SGCD: variants seen among roughly 807,000 people sequenced by gnomAD.
The protein encoded by SGCD is delta-sarcoglycan.
In SGCD, 18 loss-of-function variants were observed where a neutral mutation model predicts 36.6. That is an observed-to-expected ratio of 0.49 (90% CI 0.34 to 0.73). The LOEUF (loss-of-function observed/expected upper bound fraction) is 0.73. Among genes scored for constraint, SGCD ranks in the 30% least tolerant of loss-of-function variants. The pLI is 0.01. For synonymous variants in SGCD, 133 were observed against 130.6 expected (o/e 1.02, Z -0.12); for missense variants, 387 against 346.7 (o/e 1.12, Z -0.92).
At chr5:156,430,972 G>T (rs535898484) in intron 3 of SGCD, among the ~76,000 whole-genome samples, 1 of 152,236 alleles carries the variant, frequency 6.6e-6, no homozygotes, top group South Asian at 2.1e-4. Context: ...AATGGGAGAG[G>T]TATCCCTGGG....
chr5:155,758,450 G>T, the SGCD span, among the ~76,000 whole-genome samples: 1 of 152,156 alleles, frequency 6.6e-6, no homozygotes, highest in Non-Finnish European at 1.5e-5. Context: ...TTTGCAAAAA[G>T]ATAATTTGCA....
chr5:156,475,180 A>G (rs1755127097), intron 3 of SGCD, among the ~76,000 whole-genome samples: 1 of 152,180 alleles, frequency 6.6e-6, no homozygotes, highest in South Asian at 2.1e-4. Flanking sequence ...TAATAACTGT[A>G]AGTTAGCCAT....
At chr5:155,890,848 T>A (rs999642226) in intron 1 of SGCD, among the ~76,000 whole-genome samples, 1 of 152,048 alleles carries the variant, frequency 6.6e-6, no homozygotes, top group African/African-American at 2.4e-5. Flanking sequence ...TCAAGACTCA[T>A]TGTCTGGGGT....
At chr5:156,625,713 C>T (rs1762415340) in intron 6 of SGCD, among the ~76,000 whole-genome samples, 1 of 152,104 alleles carries the variant, frequency 6.6e-6, no homozygotes, top group Non-Finnish European at 1.5e-5. Flanking sequence ...TTAGTGAGCA[C>T]CTATTATGTG....
chr5:156,036,441 G>A (rs758936939), intron 1 of SGCD, among the ~76,000 whole-genome samples: 32 of 152,150 alleles, frequency 2.1e-4, no homozygotes, highest in Non-Finnish European at 4.6e-4. Flanking sequence ...TTAAAGCAAA[G>A]AATGACAGTC....
At chr5:156,353,772 C>G (rs540326852) in intron 3 of SGCD, among the ~76,000 whole-genome samples, 1 of 151,988 alleles carries the variant, frequency 6.6e-6, no homozygotes, top group Non-Finnish European at 1.5e-5. Context: ...TTTAAAAGCA[C>G]CATAAAAATT....
chr5:156,023,417 G>A (rs1470421454), intron 1 of SGCD, among the ~76,000 whole-genome samples: 1 of 152,230 alleles, frequency 6.6e-6, no homozygotes, highest in Non-Finnish European at 1.5e-5. Flanking sequence ...TATGGGCTCT[G>A]AGAGTTCAGG....
chr5:156,273,563 T>C (rs1766236145), intron 3 of SGCD, among the ~76,000 whole-genome samples: 1 of 152,222 alleles, frequency 6.6e-6, no homozygotes, highest in Non-Finnish European at 1.5e-5. Context: ...TTTTACTGCC[T>C]GAGCTAAATT....
At chr5:155,996,755 T>A (rs1458566655) in intron 1 of SGCD, among the ~76,000 whole-genome samples, 2 of 147,594 alleles carry the variant, frequency 1.4e-5, no homozygotes, top group African/African-American at 2.5e-5. Flanking sequence ...CTCCAGCCTG[T>A]GTGACAGAGT....
rs554871136 is a variant in SGCD, at chr5:156,188,218, C to T, written c.-44+64199C>T. 9.2e-5 allele frequency among the ~76,000 whole-genome samples: 14 copies of T among 152,206 alleles called. No homozygotes were observed. The East Asian group carries it at 2.3e-3, about 25-fold the overall frequency. ...TCCTGAGCACCAGCTGTGTGCCTGG[C>T]GTTATTCCAGGTGCTTGGCATACAT... On this transcript the variant is annotated intron_variant, in intron 3 of 9. Coordinates refer to the SGCD transcript ENST00000517913.
intron 1 of SGCD, among the ~76,000 whole-genome samples, chr5:155,915,277 T>C (rs151210753): frequency 5.1e-4 from 77 of 152,314 alleles, no homozygotes; most frequent in African/African-American, 1.5e-3. Context: ...ATGCACTCTA[T>C]GTGTGTCTAT....
intron 1 of SGCD, among the ~76,000 whole-genome samples, chr5:155,976,091 G>T (rs770061277): frequency 6.6e-6 from 1 of 151,956 alleles, no homozygotes; most frequent in Non-Finnish European, 1.5e-5. Flanking sequence ...TATTTTTATG[G>T]ACATTTATAT....
At chr5:156,612,692 T>C (rs1652995247) in intron 6 of SGCD, among the ~76,000 whole-genome samples, 1 of 152,236 alleles carries the variant, frequency 6.6e-6, no homozygotes, top group African/African-American at 2.4e-5. Context: ...TAACTACCCA[T>C]GTGAGTACAG....
At chr5:156,704,367 A>G (rs2113737082) in intron 7 of SGCD, 1 of 152,312 alleles carries the variant, frequency 6.6e-6, no homozygotes, top group South Asian at 2.1e-4. Context: ...TTATTCCTAA[A>G]TAAAAATGCC....
intron 4 of SGCD, among the ~76,000 whole-genome samples, chr5:156,528,946 G>T (rs1247641102): frequency 1.3e-5 from 2 of 152,140 alleles, no homozygotes; most frequent in Non-Finnish European, 2.9e-5. Context: ...ACTAGTTGCT[G>T]CTGAGACTGC....
intron 4 of SGCD, among the ~76,000 whole-genome samples, chr5:156,511,719 A>G (rs1170952365): frequency 1.3e-5 from 2 of 152,182 alleles, no homozygotes; most frequent in Non-Finnish European, 2.9e-5. Flanking sequence ...TCACATTCTT[A>G]TCATGTTTAT....
chr5:156,013,564 A>G (rs1389779977), intron 1 of SGCD, among the ~76,000 whole-genome samples: 1 of 152,156 alleles, frequency 6.6e-6, no homozygotes, highest in Non-Finnish European at 1.5e-5. Context: ...GGAAAATTAT[A>G]TTGTATTTAA....
intron 1 of SGCD, among the ~76,000 whole-genome samples, chr5:155,921,771 G>T (rs1756885209): frequency 6.6e-6 from 1 of 152,164 alleles, no homozygotes. Flanking sequence ...CACAGGCAGT[G>T]CTGAAAAATA....
At chr5:155,728,878 T>A in the SGCD span, among the ~76,000 whole-genome samples, 2 of 152,114 alleles carry the variant, frequency 1.3e-5, no homozygotes, top group Non-Finnish European at 2.9e-5. Context: ...CGGCTTGGAG[T>A]GCGTAGCCTT....
Sources: gnomAD v4.1 joint callset for allele counts (sites outside exome capture counted in the v4.1 genomes callset) on GRCh38, gnomAD v4.1.1 for gene constraint, MANE v1.5 for transcripts, NCBI Gene and HGNC (gene_info 2026-07-23, HGNC 2026-07-21) for gene names.